Variants in STK3 observed in about 807,000 individuals in gnomAD.
The protein encoded by STK3 is serine/threonine kinase 3.
STK3 carries 41 observed loss-of-function variants against 58.0 expected under a neutral mutation model. The ratio of observed to expected loss-of-function variants is 0.71; its 90% CI spans 0.55 to 0.92. The LOEUF is 0.92. Among genes scored for constraint, STK3 ranks in the 40% least tolerant of loss-of-function variants. The probability of loss-of-function intolerance (pLI) is 0.00; values close to 1 mark genes in which losing one functional copy is unlikely to be tolerated. For missense variants in STK3, 479 were observed against 602.7 expected, an observed-to-expected ratio of 0.79 and a Z score of 2.15; for synonymous variants, 170 against 191.0, an observed-to-expected ratio of 0.89 and a Z score of 0.91.
intron 1 of STK3, among the ~76,000 whole-genome samples, chr8:98,786,301 C>A (rs1288943592): frequency 6.6e-6 from 1 of 152,178 alleles, no homozygotes; most frequent in Non-Finnish European, 1.5e-5. Context: ...AATCCCAACA[C>A]TTGAGGAGGC....
rs181453976 is a variant in STK3 at position 98,424,030 on chromosome 8, G to A, written n.483+10097C>T. On this transcript the variant is annotated intron_variant and non_coding_transcript_variant, in intron 3 of 3. Transcript: ENST00000517832. ...GCAGTGGCTGTATTTTAAGATCAGG[G>A]CTCAGACCTCTAAATAAACCATAAA... Among the ~76,000 whole-genome samples, 271 of 152,354 alleles carry A rather than the reference G, an allele frequency of 1.8e-3. 2 individuals carry two copies. Among genetic ancestry groups the A allele is most frequent in the African/African-American group, 6.3e-3 (260 of 41,584 alleles).
chr8:98,850,385 G>A (rs1248548441), intron 3 of STK3, among the ~76,000 whole-genome samples: 1 of 152,140 alleles, frequency 6.6e-6, no homozygotes, highest in Non-Finnish European at 1.5e-5. Flanking sequence ...ATTGGGCTGG[G>A]ACAAGGACCC....
intron 8 of STK3, among the ~76,000 whole-genome samples, chr8:98,549,198 G>A (rs1810965428): frequency 6.6e-6 from 1 of 152,056 alleles, no homozygotes; most frequent in Non-Finnish European, 1.5e-5. Flanking sequence ...TTCCACAGTG[G>A]CTATACCATT....
chr8:98,372,926 T>C (rs1401011863), intron 2 of STK3, among the ~76,000 whole-genome samples: 1 of 152,352 alleles, frequency 6.6e-6, no homozygotes, highest in African/African-American at 2.4e-5. Flanking sequence ...TTGAATGAGA[T>C]AATGTGCATG....
At chr8:98,782,872 G>A (rs1587608973) in intron 1 of STK3, among the ~76,000 whole-genome samples, 1 of 151,852 alleles carries the variant, frequency 6.6e-6, no homozygotes, top group East Asian at 1.9e-4. Flanking sequence ...GAAACAAATG[G>A]GATGGGAAGT....
intron 4 of STK3, among the ~76,000 whole-genome samples, chr8:98,727,298 C>T (rs1050533645): frequency 6.6e-6 from 1 of 152,198 alleles, no homozygotes; most frequent in African/African-American, 2.4e-5. Flanking sequence ...TGCTGGCAGA[C>T]ATCTTGTAAC....
At position 98,877,195 on chromosome 8, in the gene STK3, G is replaced by T. The variant is rs1837586023; in HGVS notation, c.110+6452C>A. On this transcript the variant is annotated intron_variant, in intron 3 of 12. Transcript: ENST00000523601. ...GTCTTTTAAGGTTTATCTAGGCTAT[G>T]TAATGACAATACAAACGGGCATTTT... is the stretch of plus-strand genomic sequence containing the variant. Among the ~76,000 whole-genome samples, 3 of 152,188 alleles carry T rather than the reference G, an allele frequency of 2.0e-5. No homozygotes were observed. The South Asian group carries it at 6.2e-4, about 31-fold the overall frequency.
chr8:98,544,550 G>T (rs190340145), intron 9 of STK3, among the ~76,000 whole-genome samples: 1 of 151,864 alleles, frequency 6.6e-6, no homozygotes, highest in East Asian at 1.9e-4. Flanking sequence ...TGAGAAGCAG[G>T]GATGGTAGAA....
Position 98,863,643 on chromosome 8 carries a change from A to T in STK3, c.110+20004T>A, listed in dbSNP as rs544591788. On this transcript the variant is annotated intron_variant, in intron 3 of 12. Coordinates refer to the STK3 transcript ENST00000523601. ...AACAACCAGTATACAAAAAAATTTT[A>T]AATGAAAACAACCCATTACCATCCA... 5.3e-5 allele frequency among the ~76,000 whole-genome samples: 8 copies of T among 152,350 alleles called. No homozygotes were observed. In the South Asian group the frequency reaches 1.7e-3, roughly 32 times the overall value.
intron 4 of STK3, among the ~76,000 whole-genome samples, chr8:98,742,303 C>T (rs1319827370): frequency 6.6e-6 from 1 of 150,998 alleles, no homozygotes; most frequent in Non-Finnish European, 1.5e-5. Context: ...GACCAATATC[C>T]TTGATGAACG....
intron 1 of STK3, among the ~76,000 whole-genome samples, chr8:98,448,643 A>C (rs956042592): frequency 1.4e-4 from 21 of 152,170 alleles, no homozygotes; most frequent in African/African-American, 5.1e-4. Context: ...ATTCTATAAA[A>C]ATTTAAAAGA....
At chr8:98,456,127 T>C in intron 10 of STK3, 127 bp from the exon 11 acceptor site, 1 of 962,078 alleles carries the variant, frequency 1.0e-6, no homozygotes, top group Non-Finnish European at 1.5e-6. Context: ...CTTTACATCA[T>C]CTTTGAAGTA....
chr8:98,463,440 T>C (rs1245017653), intron 10 of STK3, among the ~76,000 whole-genome samples: 1 of 151,996 alleles, frequency 6.6e-6, no homozygotes, highest in Non-Finnish European at 1.5e-5. Context: ...AGCTCTTGTA[T>C]AAAACAGGAG....
At chr8:98,448,213 G>T (rs1010577746) in intron 1 of STK3, among the ~76,000 whole-genome samples, 36 of 151,978 alleles carry the variant, frequency 2.4e-4, no homozygotes, top group African/African-American at 8.0e-4. Context: ...AAGATGACAT[G>T]CTAAGCATGC....
At chr8:98,592,650 T>C (rs1224006476) in intron 7 of STK3, among the ~76,000 whole-genome samples, 1 of 152,108 alleles carries the variant, frequency 6.6e-6, no homozygotes, top group African/African-American at 2.4e-5. Flanking sequence ...GTCTTTACAG[T>C]TGTTTGAAGT....
chr8:98,706,439 C>T, intron 6 of STK3, 28 bp downstream of exon 6: 1 of 1,590,766 alleles, frequency 6.3e-7, no homozygotes, highest in Non-Finnish European at 8.5e-7. Context: ...ATAAGGCTAA[C>T]ATTTTCAGCA....
At chr8:98,494,095 C>T (rs1164390665) in intron 10 of STK3, among the ~76,000 whole-genome samples, 1 of 152,158 alleles carries the variant, frequency 6.6e-6, no homozygotes, top group Non-Finnish European at 1.5e-5. Context: ...GGTCAGCTTG[C>T]TGTAATTTTT....
chr8:98,703,198 G>A (rs545455979), intron 6 of STK3, among the ~76,000 whole-genome samples: 11 of 152,096 alleles, frequency 7.2e-5, no homozygotes, highest in African/African-American at 1.9e-4. Flanking sequence ...TTTGTTAGCC[G>A]CTCCTCCACT....
intron 6 of STK3, among the ~76,000 whole-genome samples, chr8:98,698,715 GTT>G (rs1825238660): frequency 6.6e-6 from 1 of 152,222 alleles, no homozygotes; most frequent in Admixed American, 6.5e-5. Flanking sequence ...GGCTTGTAGA[GTT>G]TCTGCTGAGA....
Sources: gnomAD v4.1 joint callset for allele counts (sites outside exome capture counted in the v4.1 genomes callset) on GRCh38, gnomAD v4.1.1 for gene constraint, MANE v1.5 for transcripts, NCBI Gene and HGNC (gene_info 2026-07-23, HGNC 2026-07-21) for gene names.